EIF2B4: variants seen among roughly 807,000 people sequenced by gnomAD.
The protein encoded by EIF2B4 is eukaryotic translation initiation factor 2B subunit delta.
EIF2B4 carries 34 observed loss-of-function variants against 66.7 expected under a neutral mutation model. That is an observed-to-expected ratio of 0.51 (90% CI 0.39 to 0.68). The LOEUF (loss-of-function observed/expected upper bound fraction) is 0.68. Among genes scored for constraint, EIF2B4 ranks in the 30% least tolerant of loss-of-function variants. The probability of loss-of-function intolerance (pLI) is 0.00; values close to 1 mark genes in which losing one functional copy is unlikely to be tolerated. For missense variants in EIF2B4, 618 were observed against 657.9 expected, an observed-to-expected ratio of 0.94 and a Z score of 0.66; for synonymous variants, 278 against 253.6, an observed-to-expected ratio of 1.10 and a Z score of -0.92.
chr2:27,369,113 C>G lies in EIF2B4; in HGVS notation c.311G>C (p.Arg104Pro). ...GRSKAELRAE[R>P]RAKQEAERAL... is the part of the protein sequence containing the mutation. ...CCGCTCGGCCTCCTGCTTGGCTCGA[C>G]GCTCAGCCCGAAGTTCGGCCTTACT... Residue 104 changes from arginine (R) to proline (P), a missense_variant, in exon 4 of 13, where the codon CGT becomes CCT. Coordinates refer to ENST00000347454, the MANE Select transcript of EIF2B4 (RefSeq NM_001034116.2). 6.2e-7 allele frequency: 1 copy of G among 1,614,068 alleles called. No homozygotes were observed. Among genetic ancestry groups the G allele is most frequent in the Non-Finnish European group, 8.5e-7 (1 of 1,180,022 alleles).
chr2:27,367,726 A>G lies in EIF2B4; in HGVS notation c.782+20T>C, dbSNP rs1358239762. On this transcript the variant is annotated intron_variant, in intron 8 of 12. Transcript: ENST00000347454. ...CAAAGATTGGGCGAGCTGGGAGTGGACTTATAGTGTTGTCCCTACCTCATG... is the reference window on the plus strand; with the variant it reads ...CAAAGATTGGGCGAGCTGGGAGTGGGCTTATAGTGTTGTCCCTACCTCATG... 3 of 1,607,166 alleles carry G rather than the reference A, an allele frequency of 1.9e-6. No homozygotes were observed. In the Admixed American group the frequency reaches 5.0e-5, roughly 27 times the overall value.
In EIF2B4 at chr2:27,364,449, G is replaced by A; in HGVS notation, c.1523C>T (p.Pro508Leu). The change falls in exon 13 of 13, where the codon CCT (proline) becomes CTT (leucine). Residue 508 changes from proline (P) to leucine (L), a missense_variant. Physicochemically the swap from Pro to Leu is moderately conservative, Grantham distance 98 (BLOSUM62 -3). This residue lies in a region of EIF2B4 where 13 missense variants were observed against 33.0 expected (regional missense o/e 0.39). Coordinates refer to ENST00000347454, the MANE Select transcript of EIF2B4 (RefSeq NM_001034116.2). ...DLVITELGMI[P>L]CSSVPVVLRV... ...TAGAACAACAGGTACAGAACTGCAA[G>A]GGATCATCCCCAGCTCCGTGATCAC... is the stretch of plus-strand genomic sequence containing the variant. The A allele has an allele frequency of 6.2e-7, 1 of 1,614,120 alleles. No homozygotes were observed. The highest frequency in any genetic ancestry group is 8.5e-7 in the Non-Finnish European group (1 of 1,180,018).
Position 27,368,650 on chromosome 2 carries a change from C to G in EIF2B4, c.498+4G>C, listed in dbSNP as rs370413772. 6.2e-7 allele frequency: 1 copy of G among 1,614,086 alleles called. No individual in the cohort carries two copies. Among genetic ancestry groups the G allele is most frequent in the Non-Finnish European group, 8.5e-7 (1 of 1,180,038 alleles). On this transcript the variant is annotated splice_donor_region_variant and intron_variant, in intron 5 of 12. Coordinates refer to ENST00000347454, the MANE Select transcript of EIF2B4 (RefSeq NM_001034116.2). ...TCTAGCCAGGCACCAAACCCACTTC[C>G]TACCTGTTGACGCTCTGGTTTTTTA...
In EIF2B4 at chr2:27,368,324, C is replaced by G. The variant is rs369686466; in HGVS notation, c.590+48G>C. 306 of 1,543,462 alleles carry G rather than the reference C, an allele frequency of 2.0e-4. 2 individuals are homozygous for G. In the Middle Eastern group the frequency reaches 3.2e-3, roughly 16 times the overall value. ...ACTAGAAACTTTCAATACTGACTTACTAAAACTCCTCAGACTCAAAAGTTA... is the reference window on the plus strand; with the variant it reads ...ACTAGAAACTTTCAATACTGACTTAGTAAAACTCCTCAGACTCAAAAGTTA... On this transcript the variant is annotated intron_variant, in intron 6 of 12. Transcript: ENST00000347454.
chr2:27,368,513 G>A lies in EIF2B4; in HGVS notation c.499-50C>T, dbSNP rs370256543. The A allele has an allele frequency of 1.9e-6, 3 of 1,576,876 alleles. No individual in the cohort carries two copies. In the African/African-American group the frequency reaches 4.0e-5, roughly 21 times the overall value. On this transcript the variant is annotated intron_variant, in intron 5 of 12. Transcript: ENST00000347454. Reference sequence around the variant, plus strand: ...CAATGGCCCAGAGTTTAAAAAGGATGGGATAAAGCTGGAAAGGAAGTGAAC... The same window carrying A: ...CAATGGCCCAGAGTTTAAAAAGGATAGGATAAAGCTGGAAAGGAAGTGAAC...
intron 4 of EIF2B4, 58 bp from the exon 5 acceptor site, chr2:27,368,791 T>C: frequency 6.3e-7 from 1 of 1,585,258 alleles, no homozygotes; most frequent in Middle Eastern, 1.7e-4. Context: ...TGTAATTTGC[T>C]CTTAGGGTAT....
At position 27,364,615 on chromosome 2, in the gene EIF2B4, T is replaced by C; in HGVS notation, c.1373-16A>G. On this transcript the variant is annotated splice_polypyrimidine_tract_variant and intron_variant, in intron 12 of 12. Transcript: ENST00000347454. ...TCAGGGTCATCTGCAATGGAAGGCG[T>C]ACCCATTATGTTCTTTCAGAAAAGA... The C allele has an allele frequency of 1.2e-6, 2 of 1,614,214 alleles. No individual in the cohort carries two copies. Among genetic ancestry groups the C allele is most frequent in the South Asian group, 1.1e-5 (1 of 91,086 alleles).
rs191734334 is a variant in EIF2B4 at position 27,368,355 on chromosome 2, A to G, written c.590+17T>C. ...CTCCTCAGACTCAAAAGTTATGACA[A>G]TTTCATAGGATCCTACCTCATAAAC... is the stretch of plus-strand genomic sequence containing the variant. On this transcript the variant is annotated intron_variant, in intron 6 of 12. Coordinates refer to ENST00000347454, the MANE Select transcript of EIF2B4 (RefSeq NM_001034116.2). 28 of 1,603,370 alleles carry G rather than the reference A, an allele frequency of 1.7e-5. No homozygotes were observed. The highest frequency in any genetic ancestry group is 3.3e-5 in the Admixed American group (2 of 60,010).
chr2:27,369,088 C>G lies in EIF2B4; in HGVS notation c.336G>C (p.Arg112=). The G allele has an allele frequency of 1.2e-6, 2 of 1,614,096 alleles. No individual in the cohort carries two copies. Among genetic ancestry groups the G allele is most frequent in the Non-Finnish European group, 1.7e-6 (2 of 1,180,020 alleles). Reference sequence around the variant, plus strand: ...CCCCTTTTCTTGCCTGTTTCAGGGCCCGCTCGGCCTCCTGCTTGGCTCGAC... The same window carrying G: ...CCCCTTTTCTTGCCTGTTTCAGGGCGCGCTCGGCCTCCTGCTTGGCTCGAC... ...AERRAKQEAE[R]ALKQARKGEQ... is the part of the protein sequence containing the mutation. The change falls in exon 4 of 13, where the codon CGG becomes CGC. Residue 112 remains arginine, a synonymous_variant. Coordinates refer to ENST00000347454, the MANE Select transcript of EIF2B4 (RefSeq NM_001034116.2).
At chr2:27,368,535 G>A (rs758641876) in intron 5 of EIF2B4, 72 bp from the exon 6 acceptor site, 50 of 1,554,264 alleles carry the variant, frequency 3.2e-5, no homozygotes, top group Middle Eastern at 1.7e-4. Flanking sequence ...GAAAGGAAGT[G>A]AACAGTAAGA....
Position 27,369,101 on chromosome 2 carries a change from T to A in EIF2B4, c.323A>T (p.Gln108Leu). 6.2e-7 allele frequency: 1 copy of A among 1,614,132 alleles called. No individual in the cohort carries two copies. Among genetic ancestry groups the A allele is most frequent in the East Asian group, 2.2e-5 (1 of 44,880 alleles). ...CTGTTTCAGGGCCCGCTCGGCCTCC[T>A]GCTTGGCTCGACGCTCAGCCCGAAG... ...AELRAERRAK[Q>L]EAERALKQAR... is the part of the protein sequence containing the mutation. Residue 108 changes from glutamine (Q) to leucine (L), a missense_variant, in exon 4 of 13, where the codon CAG becomes CTG. Around this residue, in one of 4 missense-constraint regions of EIF2B4, gnomAD observed 506 missense variants for 511.9 expected, o/e 0.99. Transcript: ENST00000347454.
In EIF2B4 at chr2:27,369,145, A is replaced by G. The variant is rs373805172; in HGVS notation, c.279T>C (p.Ala93=). ...CCCGAAGTTCGGCCTTACTCCGACC[A>G]GCTGGAACTTTCTCCCGAGGAGTGC... ...QLGTPREKVP[A]GRSKAELRAE... is the part of the protein sequence containing the mutation. The change falls in exon 4 of 13, where the codon GCT becomes GCC. Residue 93 remains alanine (A), a synonymous_variant. Transcript: ENST00000347454. The G allele has an allele frequency of 1.1e-5, 18 of 1,613,550 alleles. No homozygotes were observed. Among genetic ancestry groups the G allele is most frequent in the East Asian group, 8.9e-5 (4 of 44,870 alleles).
Position 27,369,123 on chromosome 2 carries a change from G to A in EIF2B4, c.301C>T (p.Arg101Trp), listed in dbSNP as rs1682121708. 3.1e-6 allele frequency: 5 copies of A among 1,613,872 alleles called. No individual in the cohort carries two copies. The highest frequency in any genetic ancestry group is 4.2e-6 in the Non-Finnish European group (5 of 1,179,986). Residue 101 changes from arginine to tryptophan, a missense_variant, in exon 4 of 13, where the codon CGG (arginine) becomes TGG (tryptophan). By Grantham distance (101) the Arg-to-Trp change is moderately radical. Transcript: ENST00000347454. The part of the protein sequence containing the change: ...VPAGRSKAEL[R>W]AERRAKQEAE... ...TCCTGCTTGGCTCGACGCTCAGCCCGAAGTTCGGCCTTACTCCGACCAGCT... is the reference window on the plus strand; with the variant it reads ...TCCTGCTTGGCTCGACGCTCAGCCCAAAGTTCGGCCTTACTCCGACCAGCT...
chr2:27,367,107 A>G lies in EIF2B4; in HGVS notation c.980T>C (p.Ile327Thr), dbSNP rs754642030. The part of the protein sequence containing the change: ...QAISRFAYQK[I>T]SNGDVILVYG... Reference sequence around the variant, plus strand: ...TACCAGGATCACATCTCCATTACTGATCTTCTGGTAAGCAAAGCGTGAAAT... The same window carrying G: ...TACCAGGATCACATCTCCATTACTGGTCTTCTGGTAAGCAAAGCGTGAAAT... The change falls in exon 10 of 13, where the codon ATC (isoleucine) becomes ACC (threonine). Residue 327 changes from isoleucine (I) to threonine (T), a missense_variant. Transcript: ENST00000347454. 6.2e-7 allele frequency: 1 copy of G among 1,614,174 alleles called. No homozygotes were observed. The highest frequency in any genetic ancestry group is 2.2e-5 in the East Asian group (1 of 44,884).
intron 1 of EIF2B4, 128 bp from the exon 2 acceptor site, chr2:27,370,047 C>G (rs1440543442): frequency 6.6e-7 from 1 of 1,508,586 alleles, no homozygotes; most frequent in African/African-American, 1.4e-5. Flanking sequence ...CGAGGCGAGC[C>G]AGGGATCCGC....
At chr2:27,366,676 T>C (rs2148372748) in intron 11 of EIF2B4, 83 bp downstream of exon 11, 2 of 1,541,912 alleles carry the variant, frequency 1.3e-6, no homozygotes, top group Non-Finnish European at 8.9e-7. Context: ...AAAACAAAAC[T>C]GTAACTTTGG....
intron 11 of EIF2B4, chr2:27,366,383 A>G (rs1681868644): frequency 3.2e-6 from 1 of 315,430 alleles, no homozygotes; most frequent in South Asian, 2.9e-5. Flanking sequence ...TATAATTCTA[A>G]TATTTTTAAA....
chr2:27,367,692 A>C, intron 8 of EIF2B4, 54 bp downstream of exon 8: 1 of 1,589,028 alleles, frequency 6.3e-7, no homozygotes, highest in Non-Finnish European at 8.6e-7. Flanking sequence ...CAGGAAAAAG[A>C]GTACAAGACA....
At chr2:27,368,829 G>T in intron 4 of EIF2B4, 96 bp from the exon 5 acceptor site, 2 of 1,481,190 alleles carry the variant, frequency 1.4e-6, no homozygotes, top group Non-Finnish European at 1.9e-6. Flanking sequence ...ACAGGATGAG[G>T]TGGAGAAAAC....
Sources: gnomAD v4.1 joint callset for allele counts on GRCh38, gnomAD v4.1.1 for gene constraint, gnomAD v4.1.1 regional missense constraint, MANE v1.5 for transcripts, NCBI Gene and HGNC (gene_info 2026-07-23, HGNC 2026-07-21) for gene names.